The following ATXN1 variants were observed in gnomAD, a reference collection of about 807,000 sequenced individuals.
ATXN1 encodes the protein ataxin-1.
ATXN1 carries 8 observed loss-of-function variants against 56.4 expected under a neutral mutation model. The ratio of observed to expected loss-of-function variants is 0.14; its 90% confidence interval spans 0.08 to 0.26. ATXN1 has a LOEUF of 0.26. ATXN1 is among the 10% of genes least tolerant of loss of function. ATXN1 has a pLI of 1.00. For synonymous variants in ATXN1, 514 were observed against 494.6 expected (o/e 1.04, Z -0.52); for missense variants, 987 against 1,106.5 (o/e 0.89, Z 1.53).
chr6:16,332,534 G>C (rs951297899), intron 6 of ATXN1, among the ~76,000 whole-genome samples: 1 of 152,162 alleles, frequency 6.6e-6, no homozygotes, highest in Non-Finnish European at 1.5e-5. Context: ...GTTTATCTCT[G>C]GAAGCACCTG....
At chr6:16,419,149 A>G (rs965508569) in intron 6 of ATXN1, among the ~76,000 whole-genome samples, 8 of 152,128 alleles carry the variant, frequency 5.3e-5, no homozygotes, top group Non-Finnish European at 1.0e-4. Context: ...GGTTCTTGCT[A>G]TGTTGCCTAG....
At chr6:16,574,875 TA>T (rs1461473038) in intron 4 of ATXN1, among the ~76,000 whole-genome samples, 1 of 151,854 alleles carries the variant, frequency 6.6e-6, no homozygotes, top group Non-Finnish European at 1.5e-5. Flanking sequence ...TATGTGGTCA[TA>T]TTTCTTAGTT....
rs1761059944 is a variant in ATXN1 at position 16,760,657 on chromosome 6, C to G, written c.-730+641G>C. Among the ~76,000 whole-genome samples, 1 of 151,042 alleles carries G rather than the reference C, an allele frequency of 6.6e-6. No individual in the cohort carries two copies. Among genetic ancestry groups the G allele is most frequent in the Non-Finnish European group, 1.5e-5 (1 of 67,658 alleles). ...CCCGCAGCCGCACACCCGGCGAGGC[C>G]GGCCCTCCGAGGGGAGACCCCCGCC... On this transcript the variant is annotated intron_variant, in intron 1 of 7. Coordinates refer to ENST00000436367, the MANE Select transcript of ATXN1 (RefSeq NM_001128164.2). This position sits in a 1 kb window ranked among gnomAD's most constrained non-coding sequence, Gnocchi z 5.3.
At chr6:16,614,677 C>G (rs896885179) in intron 3 of ATXN1, among the ~76,000 whole-genome samples, 1 of 151,662 alleles carries the variant, frequency 6.6e-6, no homozygotes, top group Non-Finnish European at 1.5e-5. Flanking sequence ...AACCCCAGCA[C>G]TTTGGGAGGC....
chr6:16,758,724 T>G (rs1760964163), intron 1 of ATXN1, among the ~76,000 whole-genome samples: 1 of 151,920 alleles, frequency 6.6e-6, no homozygotes, highest in Admixed American at 6.6e-5. Context: ...CTGGAGTAAG[T>G]GCACCGAAAA....
At chr6:16,642,082 G>C (rs1313097962) in intron 3 of ATXN1, among the ~76,000 whole-genome samples, 1 of 152,120 alleles carries the variant, frequency 6.6e-6, no homozygotes, top group South Asian at 2.1e-4. Context: ...TGCCTCTATG[G>C]AGGAGCAAAG....
chr6:16,669,601 G>T (rs1026700584), intron 2 of ATXN1, among the ~76,000 whole-genome samples: 2 of 150,732 alleles, frequency 1.3e-5, no homozygotes, highest in Admixed American at 1.3e-4. Context: ...AATCAGTAAA[G>T]AATTGATGTC....
intron 6 of ATXN1, among the ~76,000 whole-genome samples, chr6:16,434,059 C>T (rs1035640425): frequency 6.6e-6 from 1 of 152,206 alleles, no homozygotes; most frequent in Non-Finnish European, 1.5e-5. Flanking sequence ...CTATGGGTTA[C>T]ATTTTCCAAA....
intron 4 of ATXN1, among the ~76,000 whole-genome samples, chr6:16,526,064 TAC>T (rs1554113130): frequency 3.8e-5 from 5 of 133,310 alleles, no homozygotes; most frequent in African/African-American, 6.2e-5. Flanking sequence ...TATATATATA[TAC>T]ATACATACAA....
rs561363001 is a variant in ATXN1, at chr6:16,569,521, C to T, written c.-361+16259G>A. On this transcript the variant is annotated intron_variant, in intron 4 of 7. Transcript: ENST00000436367. ...CAGCCTGGGCGACAGAGTGAGACTCCGTCTCAGAAAAAAAAAAAAAAAAAA... is the reference window on the plus strand; with the variant it reads ...CAGCCTGGGCGACAGAGTGAGACTCTGTCTCAGAAAAAAAAAAAAAAAAAA... Among the ~76,000 whole-genome samples the T allele has an allele frequency of 1.3e-4, 15 of 116,296 alleles. No homozygotes were observed. In the South Asian group the frequency reaches 4.5e-3, roughly 35 times the overall value. The allele number at this position is 116,296 out of a possible 152,430, so 76.3% of individuals were successfully genotyped here.
At chr6:16,341,758 A>C (rs1761254053) in intron 6 of ATXN1, among the ~76,000 whole-genome samples, 1 of 151,580 alleles carries the variant, frequency 6.6e-6, no homozygotes, top group African/African-American at 2.4e-5. Context: ...TGACCTCTTG[A>C]TCTGCCTGCC....
intron 6 of ATXN1, among the ~76,000 whole-genome samples, chr6:16,429,460 C>A (rs1360754085): frequency 2.1e-5 from 3 of 144,408 alleles, no homozygotes; most frequent in Non-Finnish European, 4.5e-5. Context: ...GAGTCTCCTC[C>A]AGGCTGGAGT....
chr6:16,529,208 G>GA (rs1394612766), intron 4 of ATXN1, among the ~76,000 whole-genome samples: 1 of 123,358 alleles, frequency 8.1e-6, no homozygotes, highest in East Asian at 2.3e-4. Flanking sequence ...AGGGTTTTTT[G>GA]TTTTTTTTTT....
intron 6 of ATXN1, among the ~76,000 whole-genome samples, chr6:16,425,383 C>T (rs1759132168): frequency 6.6e-6 from 1 of 152,226 alleles, no homozygotes; most frequent in Admixed American, 6.5e-5. Flanking sequence ...TACGCATTAA[C>T]TGTCTGGGAA....
chr6:16,367,584 C>T (rs951867302), intron 6 of ATXN1, among the ~76,000 whole-genome samples: 2 of 152,052 alleles, frequency 1.3e-5, no homozygotes, highest in Admixed American at 1.3e-4. Context: ...GAGCTCAAAA[C>T]CTGTGGATAA....
chr6:16,521,671 A>C (rs141983282), intron 5 of ATXN1, among the ~76,000 whole-genome samples: 2 of 152,386 alleles, frequency 1.3e-5, no homozygotes, highest in Non-Finnish European at 2.9e-5. Flanking sequence ...CTGCAGGTGC[A>C]GACAACCGCG....
At chr6:16,397,538 C>T (rs1340163014) in intron 6 of ATXN1, among the ~76,000 whole-genome samples, 1 of 152,124 alleles carries the variant, frequency 6.6e-6, no homozygotes, top group Non-Finnish European at 1.5e-5. Context: ...TGCCACTGTG[C>T]CCGGCCGCCA....
intron 6 of ATXN1, among the ~76,000 whole-genome samples, chr6:16,482,949 T>G (rs980174463): frequency 6.6e-6 from 1 of 152,210 alleles, no homozygotes; most frequent in Non-Finnish European, 1.5e-5. Flanking sequence ...TTGAGACACT[T>G]AGGGTAAAAA....
intron 4 of ATXN1, among the ~76,000 whole-genome samples, chr6:16,570,071 T>C (rs541759486): frequency 1.3e-5 from 2 of 152,218 alleles, no homozygotes; most frequent in Non-Finnish European, 2.9e-5. Flanking sequence ...CCTGAAGAGT[T>C]GGGGTTGCTT....
Sources: allele counts gnomAD v4.1 joint callset (sites outside exome capture counted in the v4.1 genomes callset), GRCh38; gene constraint gnomAD v4.1.1; non-coding constraint Gnocchi (gnomAD v3.1); transcripts MANE v1.5; gene names NCBI Gene and HGNC (gene_info 2026-07-23, HGNC 2026-07-21).